Variants in CLIC4 observed in about 807,000 individuals in gnomAD.
The protein encoded by CLIC4 is CLIC family member 4.
A neutral mutation model predicts 24.6 loss-of-function variants in CLIC4; 13 were observed. The observed-to-expected ratio is 0.53, with a 90% CI of 0.34 to 0.84. The LOEUF (loss-of-function observed/expected upper bound fraction) is 0.84, where lower values mean the gene tolerates loss of function less well. Ranked by LOEUF, CLIC4 falls within the 40% of genes least tolerant of loss-of-function variation. CLIC4 has a pLI of 0.01. For missense variants in CLIC4, 227 were observed against 301.7 expected (o/e 0.75, Z 1.83); for synonymous variants, 104 against 111.3 (o/e 0.93, Z 0.41).
chr1:24,745,691 C>A, intron 1 of CLIC4, 66 bp downstream of exon 1: 2 of 1,372,728 alleles, frequency 1.5e-6, no homozygotes, highest in Non-Finnish European at 2.0e-6. Flanking sequence ...CGGGGAGCGG[C>A]GTCCCGGGGC....
At chr1:24,804,190 A>G (rs1409940864) in intron 2 of CLIC4, among the ~76,000 whole-genome samples, 1 of 152,078 alleles carries the variant, frequency 6.6e-6, no homozygotes, top group African/African-American at 2.4e-5. Flanking sequence ...TGTCTTTCAG[A>G]GACATCATCT....
intron 1 of CLIC4, among the ~76,000 whole-genome samples, chr1:24,792,325 G>T (rs1288306603): frequency 6.6e-6 from 1 of 151,820 alleles, no homozygotes; most frequent in Non-Finnish European, 1.5e-5. Flanking sequence ...TGAATAACTG[G>T]GACTATAGGA....
At chr1:24,819,302 C>G (rs965926153) in intron 3 of CLIC4, among the ~76,000 whole-genome samples, 7 of 152,058 alleles carry the variant, frequency 4.6e-5, no homozygotes, top group Non-Finnish European at 7.4e-5. Context: ...AAAACCATGT[C>G]TTGATTTTTC....
chr1:24,790,441 A>C (rs1287245342), intron 1 of CLIC4, among the ~76,000 whole-genome samples: 2 of 152,256 alleles, frequency 1.3e-5, no homozygotes, highest in Non-Finnish European at 2.9e-5. Context: ...AAATAAATAA[A>C]TTTAATACTT....
intron 2 of CLIC4, among the ~76,000 whole-genome samples, chr1:24,808,427 T>C (rs1639576194): frequency 2.0e-5 from 3 of 152,158 alleles, no homozygotes; most frequent in Admixed American, 2.0e-4. Context: ...GTAAATGCTA[T>C]GTAAGTTGTC....
intron 4 of CLIC4, among the ~76,000 whole-genome samples, chr1:24,827,707 G>A (rs1180811385): frequency 6.6e-6 from 1 of 151,816 alleles, no homozygotes; most frequent in African/African-American, 2.4e-5. Context: ...TCATGTTTTC[G>A]CGGTAAGAGT....
chr1:24,800,471 G>GC (rs1639474003), intron 2 of CLIC4, among the ~76,000 whole-genome samples: 1 of 150,718 alleles, frequency 6.6e-6, no homozygotes, highest in Admixed American at 6.6e-5. Context: ...CCGGCCAGCC[G>GC]CCCCGTCCGG....
chr1:24,799,636 G>A (rs12732571), intron 2 of CLIC4, among the ~76,000 whole-genome samples: 1 of 95,840 alleles, frequency 1.0e-5, no homozygotes, highest in Non-Finnish European at 2.2e-5. Flanking sequence ...CCGCCCCGTC[G>A]GGGAGGGAGG....
At chr1:24,767,041 A>G (rs1249429652) in intron 1 of CLIC4, among the ~76,000 whole-genome samples, 7 of 150,620 alleles carry the variant, frequency 4.6e-5, no homozygotes, top group South Asian at 2.1e-4. Flanking sequence ...AAAAAAAAAA[A>G]AAAAAAAGAA....
At chr1:24,824,528 A>G (rs1473442606) in intron 3 of CLIC4, among the ~76,000 whole-genome samples, 1 of 152,082 alleles carries the variant, frequency 6.6e-6, no homozygotes, top group Non-Finnish European at 1.5e-5. Context: ...TTGGCATCCC[A>G]AAGTGCTGGG....
chr1:24,829,651 A>C (rs938835916), intron 4 of CLIC4, among the ~76,000 whole-genome samples: 3 of 152,178 alleles, frequency 2.0e-5, no homozygotes, highest in African/African-American at 4.8e-5. Context: ...TACTCATAAA[A>C]GAGATGTGAA....
intron 2 of CLIC4, among the ~76,000 whole-genome samples, chr1:24,811,506 T>C (rs775785213): frequency 6.6e-6 from 1 of 151,860 alleles, no homozygotes; most frequent in Non-Finnish European, 1.5e-5. Flanking sequence ...AGGGTCTCAC[T>C]CTGTTGCCCA....
intron 2 of CLIC4, among the ~76,000 whole-genome samples, chr1:24,798,741 A>C (rs1455099720): frequency 6.6e-6 from 1 of 151,672 alleles, no homozygotes; most frequent in African/African-American, 2.4e-5. Flanking sequence ...ATCTCGGCTC[A>C]CTGCAACCTC....
At chr1:24,761,508 G>A (rs2124090275) in intron 1 of CLIC4, among the ~76,000 whole-genome samples, 1 of 152,270 alleles carries the variant, frequency 6.6e-6, no homozygotes, top group African/African-American at 2.4e-5. Flanking sequence ...GGGTGTGACT[G>A]GAAAACAGAG....
chr1:24,813,522 G>A (rs2124151784), intron 2 of CLIC4, among the ~76,000 whole-genome samples: 1 of 151,884 alleles, frequency 6.6e-6, no homozygotes, highest in South Asian at 2.1e-4. Flanking sequence ...GGGTTCAAGT[G>A]ATCCTCCTTC....
chr1:24,797,828 T>G lies in CLIC4; in HGVS notation c.159T>G (p.Ser53Arg). The G allele has an allele frequency of 6.2e-7, 1 of 1,612,792 alleles. No homozygotes were observed. The highest frequency in any genetic ancestry group is 8.5e-7 in the Non-Finnish European group (1 of 1,179,410). Residue 53 changes from serine (S) to arginine (R), a missense_variant, in exon 2 of 6, where the codon AGT becomes AGG. By Grantham distance (110) the Ser-to-Arg change is moderately radical (BLOSUM62 -1). Coordinates refer to ENST00000374379, the MANE Select transcript of CLIC4 (RefSeq NM_013943.3). Reference protein sequence around the residue: ...MILWLKGVVFSVTTVDLKRKP... With the variant: ...MILWLKGVVFRVTTVDLKRKP... ...TTTGGCTCAAAGGAGTTGTATTTAG[T>G]GTGACGACTGTTGACCTGAAAAGGT...
intron 3 of CLIC4, among the ~76,000 whole-genome samples, chr1:24,824,963 A>C (rs1413302691): frequency 6.7e-6 from 1 of 150,060 alleles, no homozygotes; most frequent in East Asian, 2.0e-4. Flanking sequence ...TCCTGCCACT[A>C]CACTCCACCC....
intron 1 of CLIC4, among the ~76,000 whole-genome samples, chr1:24,752,940 C>G (rs1412059830): frequency 2.0e-5 from 3 of 152,132 alleles, no homozygotes; most frequent in Non-Finnish European, 4.4e-5. Flanking sequence ...TCAGGATGGT[C>G]TCGATCTCCT....
chr1:24,765,247 A>G (rs1047274845), intron 1 of CLIC4, among the ~76,000 whole-genome samples: 13 of 152,232 alleles, frequency 8.5e-5, no homozygotes, highest in Non-Finnish European at 1.5e-4. Context: ...AGTGCTTTCT[A>G]TGTGCCAGGC....
Sources: allele counts gnomAD v4.1 joint callset (sites outside exome capture counted in the v4.1 genomes callset), GRCh38; gene constraint gnomAD v4.1.1; transcripts MANE v1.5; gene names NCBI Gene and HGNC (gene_info 2026-07-23, HGNC 2026-07-21).